Variants in ATG10 observed in about 807,000 individuals in gnomAD.
ATG10 encodes the protein ubiquitin-like-conjugating enzyme ATG10.
ATG10 carries 30 observed loss-of-function variants against 32.1 expected under a neutral mutation model. The ratio of observed to expected loss-of-function variants is 0.94; its 90% confidence interval spans 0.70 to 1.27. ATG10 has a LOEUF of 1.27. Among genes scored for constraint, ATG10 ranks in the 50% most tolerant of loss-of-function variants. The pLI is 0.00. For synonymous variants in ATG10, 87 were observed against 91.5 expected, an observed-to-expected ratio of 0.95 and a Z score of 0.28; for missense variants, 233 against 262.3, an observed-to-expected ratio of 0.89 and a Z score of 0.77.
At chr5:82,180,707 G>A (rs1323615836) in intron 5 of ATG10, among the ~76,000 whole-genome samples, 2 of 152,106 alleles carry the variant, frequency 1.3e-5, no homozygotes, top group South Asian at 2.1e-4. Flanking sequence ...AAAAATATAT[G>A]TGTATTTAAC....
intron 3 of ATG10, among the ~76,000 whole-genome samples, chr5:82,068,954 A>G (rs551924226): frequency 1.3e-4 from 19 of 150,538 alleles, no homozygotes; most frequent in Admixed American, 5.3e-4. Flanking sequence ...TAGAAACTCC[A>G]TATGTGGAGG....
At chr5:82,224,017 T>C (rs1036769147) in intron 5 of ATG10, among the ~76,000 whole-genome samples, 3 of 152,220 alleles carry the variant, frequency 2.0e-5, no homozygotes, top group African/African-American at 7.2e-5. Context: ...AAGGATTGCA[T>C]ACCTTTGGAA....
chr5:82,061,474 C>T (rs959536796), intron 3 of ATG10, among the ~76,000 whole-genome samples: 4 of 151,654 alleles, frequency 2.6e-5, no homozygotes, highest in African/African-American at 9.7e-5. Flanking sequence ...GTTTTAAAAG[C>T]CAGATTGCTT....
intron 5 of ATG10, among the ~76,000 whole-genome samples, chr5:82,226,230 A>G (rs770831757): frequency 1.3e-5 from 2 of 152,226 alleles, no homozygotes; most frequent in Non-Finnish European, 2.9e-5. Flanking sequence ...ATAAATGCCC[A>G]TATTAGCAGC....
chr5:82,089,489 G>T (rs1581679356), intron 3 of ATG10, among the ~76,000 whole-genome samples: 1 of 152,144 alleles, frequency 6.6e-6, no homozygotes, highest in Non-Finnish European at 1.5e-5. Context: ...TGAAAAGAGA[G>T]CCATTTCAAT....
intron 5 of ATG10, among the ~76,000 whole-genome samples, chr5:82,182,268 A>G (rs1448821247): frequency 6.6e-6 from 1 of 152,154 alleles, no homozygotes; most frequent in Non-Finnish European, 1.5e-5. Flanking sequence ...AAAAGTAGAG[A>G]TAATTGTGTA....
intron 5 of ATG10, among the ~76,000 whole-genome samples, chr5:82,237,006 C>T (rs1381979103): frequency 4.0e-5 from 6 of 151,606 alleles, no homozygotes; most frequent in Admixed American, 3.3e-4. Context: ...CCCTTTTTTT[C>T]CCCTTTTTTA....
chr5:82,094,652 A>G (rs1241064230), intron 3 of ATG10, among the ~76,000 whole-genome samples: 1 of 152,136 alleles, frequency 6.6e-6, no homozygotes, highest in Non-Finnish European at 1.5e-5. Flanking sequence ...AGAATTATTG[A>G]TAAAACCAGG....
At chr5:82,005,451 C>T (rs971032451) in intron 2 of ATG10, among the ~76,000 whole-genome samples, 6 of 152,082 alleles carry the variant, frequency 3.9e-5, no homozygotes, top group South Asian at 2.1e-4. Context: ...TCCACCACCA[C>T]GCCCAGCTAG....
intron 3 of ATG10, among the ~76,000 whole-genome samples, chr5:82,115,580 G>C (rs1009014962): frequency 1.2e-4 from 18 of 152,062 alleles, no homozygotes; most frequent in Non-Finnish European, 1.9e-4. Flanking sequence ...AAATGGCAGA[G>C]GTAGGATTCA....
intron 3 of ATG10, among the ~76,000 whole-genome samples, chr5:82,138,385 T>G (rs1172107157): frequency 1.3e-5 from 2 of 152,298 alleles, no homozygotes; most frequent in South Asian, 4.2e-4. Flanking sequence ...TCCTGGTCTG[T>G]GGGTTATAAA....
At chr5:82,194,624 T>C (rs1744784593) in intron 5 of ATG10, among the ~76,000 whole-genome samples, 2 of 152,150 alleles carry the variant, frequency 1.3e-5, no homozygotes, top group Admixed American at 6.6e-5. Context: ...CTAAAATTAT[T>C]TTGTTGAGTG....
chr5:82,181,408 G>T (rs1449548995), intron 5 of ATG10, among the ~76,000 whole-genome samples: 2 of 152,082 alleles, frequency 1.3e-5, no homozygotes, highest in African/African-American at 4.8e-5. Context: ...TATTTCCTTT[G>T]GAGATCTTGG....
At chr5:82,075,016 G>A (rs1043055069) in intron 3 of ATG10, among the ~76,000 whole-genome samples, 9 of 152,202 alleles carry the variant, frequency 5.9e-5, no homozygotes, top group Non-Finnish European at 8.8e-5. Context: ...CTGATTGGGA[G>A]GAGAAACCCT....
rs548852026 is a variant in ATG10 at position 81,993,792 on chromosome 5, T to G, written c.108+6114T>G. ...TTAGTTAGTTGTTTGAAAATTTCAG[T>G]GTCTTTTATTATAGAAATAATGCTA... On this transcript the variant is annotated intron_variant, in intron 2 of 7. Transcript: ENST00000282185. Among the ~76,000 whole-genome samples, 19 of 152,196 alleles carry G rather than the reference T, an allele frequency of 1.2e-4. No individual in the cohort carries two copies. The East Asian group carries it at 3.7e-3, about 29-fold the overall frequency.
At chr5:82,045,691 CAG>C (rs987409522) in intron 2 of ATG10, among the ~76,000 whole-genome samples, 23 of 152,136 alleles carry the variant, frequency 1.5e-4, no homozygotes, top group African/African-American at 5.5e-4. Flanking sequence ...ACTAGGAGGG[CAG>C]AGATTGTGAC....
At chr5:82,180,530 C>A (rs1460150851) in intron 5 of ATG10, among the ~76,000 whole-genome samples, 1 of 152,044 alleles carries the variant, frequency 6.6e-6, no homozygotes, top group Non-Finnish European at 1.5e-5. Flanking sequence ...TTGGATTAAC[C>A]TTTAAGTATG....
At chr5:82,123,764 CAAAAAAA>C (rs1178883742) in intron 3 of ATG10, among the ~76,000 whole-genome samples, 36 of 56,786 alleles carry the variant, frequency 6.3e-4, no homozygotes, top group East Asian at 1.0e-3. Flanking sequence ...ACTGTCTGTA[CAAAAAAA>C]AAAAAAAAAA....
chr5:82,099,950 T>TC (rs1320589941), intron 3 of ATG10, among the ~76,000 whole-genome samples: 1 of 151,744 alleles, frequency 6.6e-6, no homozygotes, highest in Non-Finnish European at 1.5e-5. Context: ...TAGATTTTTT[T>TC]TTCTTTTTAA....
Sources: gnomAD v4.1 joint callset for allele counts (sites outside exome capture counted in the v4.1 genomes callset) on GRCh38, gnomAD v4.1.1 for gene constraint, MANE v1.5 for transcripts, NCBI Gene and HGNC (gene_info 2026-07-23, HGNC 2026-07-21) for gene names.